Variants in USP40 observed in about 807,000 individuals in gnomAD.
The protein encoded by USP40 is ubiquitin specific peptidase 40, also known as ubiquitin carboxyl-terminal hydrolase 40.
Under a neutral mutation model 166.2 loss-of-function variants are expected in USP40, and 143 were observed. That is an observed-to-expected ratio of 0.86 (90% CI 0.75 to 0.99). USP40 has a LOEUF of 0.99. Among genes scored for constraint, USP40 ranks in the 50% least tolerant of loss-of-function variants. The pLI is 0.00. For missense variants in USP40, 1,444 were observed against 1,479.7 expected, an observed-to-expected ratio of 0.98 and a Z score of 0.40; for synonymous variants, 498 against 524.0, an observed-to-expected ratio of 0.95 and a Z score of 0.68.
intron 12 of USP40, 102 bp from the exon 13 acceptor site, chr2:233,527,680 C>T: frequency 1.8e-6 from 2 of 1,081,808 alleles, no homozygotes; most frequent in Non-Finnish European, 2.5e-6. Flanking sequence ...GTTCTCCATC[C>T]CACCAAAGTA....
intron 12 of USP40, among the ~76,000 whole-genome samples, chr2:233,528,275 G>A (rs1192525188): frequency 5.9e-5 from 9 of 152,030 alleles, no homozygotes; most frequent in Admixed American, 2.6e-4. Context: ...CACTGCGACC[G>A]GCCCCATGAA....
At chr2:233,552,755 T>C (rs7606838) in intron 6 of USP40, among the ~76,000 whole-genome samples, 1,941 of 152,264 alleles carry the variant, frequency 0.013, 38 homozygotes, top group East Asian at 0.083. Flanking sequence ...GGCACAGGGT[T>C]TAAGGTTTTA....
intron 18 of USP40, among the ~76,000 whole-genome samples, chr2:233,517,073 G>T (rs1254206386): frequency 6.6e-6 from 1 of 152,048 alleles, no homozygotes; most frequent in Non-Finnish European, 1.5e-5. Context: ...TTTTGTTGTT[G>T]TTGTTGCTGG....
Position 233,523,244 on chromosome 2 carries a change from C to T in USP40, c.2127G>A (p.Met709Ile). ...GCCCTTGCTCCCTGAACGTCTTCCT[C>T]ATGTCTTCCTTGGGGATGGCCGTCC... ...EGWTAIPKED[M>I]RKTFREQGLR... Residue 709 changes from methionine (M) to isoleucine (I), a missense_variant, in exon 16 of 32, where the codon ATG becomes ATA. Met to Ile is a conservative substitution (Grantham distance 10, BLOSUM62 1). Coordinates refer to ENST00000678225, the MANE Select transcript of USP40 (RefSeq NM_001365479.2). 1 of 1,613,986 alleles carries T rather than the reference C, an allele frequency of 6.2e-7. No individual in the cohort carries two copies. Among genetic ancestry groups the T allele is most frequent in the South Asian group, 1.1e-5 (1 of 91,082 alleles).
rs1397814181 is a variant in USP40, at chr2:233,510,132, A to T, written c.2530T>A (p.Phe844Ile). ...LGKAPSSSQL[F>I]LFFAMGSDVQ... ...TCACTCCCCATTGCAAAAAACAGGA[A>T]CAACTAATAACAAGACAGATGTGTA... Residue 844 changes from phenylalanine to isoleucine, a missense_variant, in exon 21 of 32, where the codon TTC becomes ATC. Phe to Ile is a conservative substitution (Grantham distance 21). Transcript: ENST00000678225. 1 of 1,594,806 alleles carries T rather than the reference A, an allele frequency of 6.3e-7. No homozygotes were observed. Among genetic ancestry groups the T allele is most frequent in the African/African-American group, 1.3e-5 (1 of 74,482 alleles).
At chr2:233,511,900 A>G in intron 19 of USP40, 103 bp from the exon 20 acceptor site, 3 of 965,058 alleles carry the variant, frequency 3.1e-6, no homozygotes, top group Non-Finnish European at 4.5e-6. Context: ...GAATATCAAG[A>G]AAGAAGAAAA....
chr2:233,510,140 T>C lies in USP40; in HGVS notation c.2527-5A>G. On this transcript the variant is annotated splice_region_variant and splice_polypyrimidine_tract_variant and intron_variant, in intron 20 of 31. Coordinates refer to ENST00000678225, the MANE Select transcript of USP40 (RefSeq NM_001365479.2). Reference sequence around the variant, plus strand: ...CATTGCAAAAAACAGGAACAACTAATAACAAGACAGATGTGTAAATGCAAT... The same window carrying C: ...CATTGCAAAAAACAGGAACAACTAACAACAAGACAGATGTGTAAATGCAAT... The C allele has an allele frequency of 6.3e-7, 1 of 1,589,962 alleles. No individual in the cohort carries two copies. The highest frequency in any genetic ancestry group is 1.3e-5 in the African/African-American group (1 of 74,464).
At chr2:233,535,371 T>C (rs942421304) in intron 10 of USP40, among the ~76,000 whole-genome samples, 4 of 152,208 alleles carry the variant, frequency 2.6e-5, no homozygotes, top group Non-Finnish European at 5.9e-5. Context: ...GTAAATATTT[T>C]AGAAGCAAAA....
intron 28 of USP40, chr2:233,487,776 C>A: frequency 3.0e-6 from 1 of 335,888 alleles, no homozygotes; most frequent in South Asian, 2.4e-5. Flanking sequence ...AAGGATATAG[C>A]AATGAATAAA....
chr2:233,485,650 A>T, intron 29 of USP40, 24 bp from the exon 30 acceptor site: 1 of 1,573,300 alleles, frequency 6.4e-7, no homozygotes, highest in Non-Finnish European at 8.6e-7. Flanking sequence ...AAACATCTTA[A>T]ATAAGCAAAA....
At chr2:233,506,096 T>C (rs1267623814) in intron 21 of USP40, among the ~76,000 whole-genome samples, 1 of 152,086 alleles carries the variant, frequency 6.6e-6, no homozygotes, top group South Asian at 2.1e-4. Flanking sequence ...TACTTCAAAA[T>C]ATACTACAAA....
At chr2:233,537,055 T>A (rs1469702366) in intron 10 of USP40, among the ~76,000 whole-genome samples, 1 of 152,184 alleles carries the variant, frequency 6.6e-6, no homozygotes, top group Non-Finnish European at 1.5e-5. Context: ...AGCTAATTTT[T>A]AAATTTTTTG....
chr2:233,544,614 A>C (rs2069733406), intron 8 of USP40, among the ~76,000 whole-genome samples: 1 of 152,168 alleles, frequency 6.6e-6, no homozygotes. Flanking sequence ...TATGAATAAC[A>C]AAAGACACTC....
rs570038533 is a variant in USP40, at chr2:233,483,624, G to C, written c.3504+1907C>G. ...TTGACTATGGTGTGAGCAGAGGTAA[G>C]TACAGGTTTTATGGGGCCTGACGCT... On this transcript the variant is annotated intron_variant, in intron 30 of 31. Coordinates refer to ENST00000678225, the MANE Select transcript of USP40 (RefSeq NM_001365479.2). Among the ~76,000 whole-genome samples, 5 of 152,304 alleles carry C rather than the reference G, an allele frequency of 3.3e-5. No individual in the cohort carries two copies. The South Asian group carries it at 6.2e-4, about 19-fold the overall frequency.
chr2:233,525,653 A>T (rs2067971856), intron 13 of USP40, 91 bp from the exon 14 acceptor site: 2 of 914,756 alleles, frequency 2.2e-6, no homozygotes, highest in Non-Finnish European at 3.4e-6. Flanking sequence ...ACATATGAAG[A>T]TGACACAGAG....
In USP40 at chr2:233,519,198, T is replaced by G. The variant is rs888145928; in HGVS notation, c.2383+416A>C. Among the ~76,000 whole-genome samples the G allele has an allele frequency of 4.6e-5, 7 of 152,322 alleles. No individual in the cohort carries two copies. In the East Asian group the frequency reaches 1.2e-3, roughly 25 times the overall value. On this transcript the variant is annotated intron_variant, in intron 18 of 31. Transcript: ENST00000678225. ...TGGTTATAGAACTCTACACATTTACTGATGATTACTGAATTAAACACTTAA... is the reference window on the plus strand; with the variant it reads ...TGGTTATAGAACTCTACACATTTACGGATGATTACTGAATTAAACACTTAA...
intron 18 of USP40, among the ~76,000 whole-genome samples, chr2:233,516,687 CA>C (rs763405308): frequency 0.042 from 4,556 of 108,998 alleles, 194 homozygotes; most frequent in African/African-American, 0.13. Flanking sequence ...GACTCCATCT[CA>C]AAAAAAAAAA....
Position 233,477,288 on chromosome 2 carries a change from T to G in USP40, c.*104A>C. ...CCCTGTGCTCAAAGGAAGCAGAGGA[T>G]TTGGGATTGGAGGCGCCAGGCAGCC... On this transcript the variant is annotated 3_prime_UTR_variant, in exon 32 of 32. Transcript: ENST00000678225. The G allele has an allele frequency of 5.0e-6, 5 of 1,008,384 alleles. No homozygotes were observed. Among genetic ancestry groups the G allele is most frequent in the Non-Finnish European group, 6.0e-6 (4 of 667,206 alleles). 62.5% of individuals were successfully genotyped at this position (1,008,384 alleles called of 1,614,324 possible).
At chr2:233,496,689 G>T in intron 24 of USP40, 69 bp downstream of exon 24, 3 of 1,337,758 alleles carry the variant, frequency 2.2e-6, no homozygotes, top group Non-Finnish European at 3.2e-6. Context: ...CCTAAATGAG[G>T]CTGTATCATC....
Sources: gnomAD v4.1 joint callset for allele counts (sites outside exome capture counted in the v4.1 genomes callset) on GRCh38, gnomAD v4.1.1 for gene constraint, MANE v1.5 for transcripts, NCBI Gene and HGNC (gene_info 2026-07-23, HGNC 2026-07-21) for gene names.